FBP2: variants seen among roughly 807,000 people sequenced by gnomAD.
FBP2 encodes the protein fructose-1,6-bisphosphatase isozyme 2.
Under a neutral mutation model 31.6 loss-of-function variants are expected in FBP2, and 27 were observed. That is an observed-to-expected ratio of 0.85 (90% CI 0.63 to 1.18). The LOEUF (loss-of-function observed/expected upper bound fraction) is 1.18, where lower values mean the gene tolerates loss of function less well. Among genes scored for constraint, FBP2 ranks in the 50% most tolerant of loss-of-function variants. FBP2 has a pLI of 0.00. For synonymous variants in FBP2, 168 were observed against 179.8 expected (o/e 0.93, Z 0.53); for missense variants, 421 against 436.1 (o/e 0.97, Z 0.31).
chr9:94,591,259 T>G (rs965076767), intron 1 of FBP2, among the ~76,000 whole-genome samples: 1 of 152,164 alleles, frequency 6.6e-6, no homozygotes, highest in Admixed American at 6.5e-5. Context: ...GGCTCAGGCA[T>G]GGCGGGCTGC....
intron 3 of FBP2, among the ~76,000 whole-genome samples, chr9:94,574,756 C>T (rs1423921899): frequency 6.6e-6 from 1 of 152,114 alleles, no homozygotes; most frequent in Non-Finnish European, 1.5e-5. Flanking sequence ...TTATTCCCCA[C>T]CTCTCTACCA....
At chr9:94,593,099 G>A (rs1439985586) in intron 1 of FBP2, among the ~76,000 whole-genome samples, 1 of 152,116 alleles carries the variant, frequency 6.6e-6, no homozygotes, top group Non-Finnish European at 1.5e-5. Context: ...ATGCAGGAAG[G>A]GGCTCTACCA....
At chr9:94,586,397 A>G (rs920835693) in intron 2 of FBP2, among the ~76,000 whole-genome samples, 1 of 152,274 alleles carries the variant, frequency 6.6e-6, no homozygotes, top group African/African-American at 2.4e-5. Context: ...AAATAAATAA[A>G]TAAGTAAATA....
rs1474176874 is a variant in FBP2 at position 94,567,357 on chromosome 9, T to C, written c.618A>G (p.Lys206=). 3.8e-5 allele frequency: 61 copies of C among 1,614,046 alleles called. No individual in the cohort carries two copies. The highest frequency in any genetic ancestry group is 5.2e-5 in the Non-Finnish European group (61 of 1,180,030). ...LVEKDVKIKK[K]GKIYSLNEGY... ...CCTCATTCAGGCTGTAAATCTTTCC[T>C]TTCTTCTTAATCTTGACATCTTTTT... Residue 206 remains lysine, a synonymous_variant, in exon 5 of 7, where the codon AAA becomes AAG. Transcript: ENST00000375337.
Position 94,571,575 on chromosome 9 carries a change from C to G in FBP2, c.454G>C (p.Asp152His), listed in dbSNP as rs1189905537. 6.2e-7 allele frequency: 1 copy of G among 1,613,624 alleles called. No individual in the cohort carries two copies. Among genetic ancestry groups the G allele is most frequent in the Non-Finnish European group, 8.5e-7 (1 of 1,179,714 alleles). Residue 152 changes from aspartate (D) to histidine (H), a missense_variant, in exon 4 of 7, where the codon GAT becomes CAT. Asp to His is a moderately conservative substitution (Grantham distance 81, BLOSUM62 -1). Transcript: ENST00000375337. Reference sequence around the variant, plus strand: ...ATATTGCGGCCACACTGCAGGGCATCCTTTTCAGAAGGCTCATCCTCTGAG... The same window carrying G: ...ATATTGCGGCCACACTGCAGGGCATGCTTTTCAGAAGGCTCATCCTCTGAG... ...KTSEDEPSEK[D>H]ALQCGRNIVA...
rs1174386595 is a variant in FBP2 at position 94,561,352 on chromosome 9, A to ATTTTTTTT, written c.825+1982_825+1989dup. Among the ~76,000 whole-genome samples the ATTTTTTTT allele has an allele frequency of 2.9e-3, 157 of 54,990 alleles. 40 individuals carry two copies. The highest frequency in any genetic ancestry group is 3.5e-3 in the Admixed American group (11 of 3,178). The allele number at this position is 54,990 out of a possible 152,430, so 36.1% of individuals were successfully genotyped here. A position where few individuals can be genotyped will look rare whatever the true frequency, so the allele number is the denominator to read the frequency against. ...GCAGGCCATGTGACATGTGACCTGT[A>ATTTTTTTT]TTTTTTTTTTTTTTTTTTTTTTTTT... On this transcript the variant is annotated intron_variant, in intron 6 of 6. Transcript: ENST00000375337.
At position 94,558,959 on chromosome 9, in the gene FBP2, C is replaced by T. The variant is rs1827050728; in HGVS notation, c.999G>A (p.Gln333=). The change falls in exon 7 of 7, where the codon CAG becomes CAA. Residue 333 remains glutamine, a synonymous_variant. Coordinates refer to ENST00000375337, the MANE Select transcript of FBP2 (RefSeq NM_003837.4). Reference sequence around the variant, plus strand: ...CTCGCTAGCTGCCTGCCTGATTTTTCTGCACACAGGTGAGATATTCCTGCA... The same window carrying T: ...CTCGCTAGCTGCCTGCCTGATTTTTTTGCACACAGGTGAGATATTCCTGCA... ...EDVQEYLTCV[Q]KNQAGS 2 of 1,613,994 alleles carry T rather than the reference C, an allele frequency of 1.2e-6. No individual in the cohort carries two copies. The highest frequency in any genetic ancestry group is 1.7e-6 in the Non-Finnish European group (2 of 1,180,032).
At chr9:94,583,823 A>T (rs113311326) in intron 3 of FBP2, among the ~76,000 whole-genome samples, 8,890 of 152,066 alleles carry the variant, frequency 0.058, 378 homozygotes, top group African/African-American at 0.1. Context: ...GGTCTCGACC[A>T]CCTAGCCTCA....
At position 94,567,119 on chromosome 9, in the gene FBP2, T is replaced by C. The variant is rs142611882; in HGVS notation, c.705+151A>G. The C allele has an allele frequency of 1.6e-3, 1,151 of 697,830 alleles. 15 individuals carry two copies. In the East Asian group the frequency reaches 0.027, roughly 16 times the overall value. 43.2% of individuals were successfully genotyped at this position (697,830 alleles called of 1,614,324 possible). Reference sequence around the variant, plus strand: ...AGCTATATAAGATACTGAATGCTTATGAAGAAAGGCAGAGTCCATCATCTT... The same window carrying C: ...AGCTATATAAGATACTGAATGCTTACGAAGAAAGGCAGAGTCCATCATCTT... On this transcript the variant is annotated intron_variant, in intron 5 of 6. Transcript: ENST00000375337.
In FBP2 at chr9:94,593,700, G is replaced by A. The variant is rs761779339; in HGVS notation, c.27C>T (p.Thr9=). 97 of 1,614,034 alleles carry A rather than the reference G, an allele frequency of 6.0e-5. No homozygotes were observed. Among genetic ancestry groups the A allele is most frequent in the Non-Finnish European group, 7.1e-5 (84 of 1,180,014 alleles). The part of the protein sequence containing the change: MTDRSPFE[T]DMLTLTRYVM... ...CGTAGCGGGTCAGGGTGAGCATGTC[G>A]GTTTCGAAGGGGCTTCTGTCCGTCA... The change falls in exon 1 of 7, where the codon ACC becomes ACT. Residue 9 remains threonine (T), a synonymous_variant. Transcript: ENST00000375337.
intron 2 of FBP2, among the ~76,000 whole-genome samples, chr9:94,585,112 C>T (rs556600181): frequency 6.6e-6 from 1 of 152,312 alleles, no homozygotes; most frequent in South Asian, 2.1e-4. Context: ...TTTCTCCCTC[C>T]ACTTGATTTA....
In FBP2 at chr9:94,571,591, A is replaced by G; in HGVS notation, c.438T>C (p.Asp146=). 1 of 1,613,128 alleles carries G rather than the reference A, an allele frequency of 6.2e-7. No homozygotes were observed. Among genetic ancestry groups the G allele is most frequent in the South Asian group, 1.1e-5 (1 of 90,816 alleles). ...IFAIYRKTSE[D]EPSEKDALQC... ...GCAGGGCATCCTTTTCAGAAGGCTC[A>G]TCCTCTGAGGTCTGTGGAAGAGAGG... The change falls in exon 4 of 7, where the codon GAT becomes GAC. Residue 146 remains aspartate (D), a synonymous_variant. Transcript: ENST00000375337.
At chr9:94,583,856 C>T (rs1042221150) in intron 3 of FBP2, among the ~76,000 whole-genome samples, 3 of 152,232 alleles carry the variant, frequency 2.0e-5, no homozygotes, top group African/African-American at 7.2e-5. Context: ...ATCCGCCCGC[C>T]TCAGCCTCCC....
At chr9:94,568,444 A>T (rs1827225457) in intron 4 of FBP2, 1 of 152,216 alleles carries the variant, frequency 6.6e-6, no homozygotes, top group Non-Finnish European at 1.5e-5. Flanking sequence ...CTTGTGGCAG[A>T]TACCACCTTA....
At chr9:94,567,154 C>G (rs1202232598) in intron 5 of FBP2, 116 bp downstream of exon 5, 1 of 1,007,384 alleles carries the variant, frequency 9.9e-7, no homozygotes, top group Non-Finnish European at 1.5e-6. Flanking sequence ...TCATACTGAC[C>G]ACAGCCATAA....
At position 94,587,371 on chromosome 9, in the gene FBP2, TAGG is replaced by T. The variant is rs1827439839; in HGVS notation, c.266_268del (p.Ser89del). Reference sequence around the variant, plus strand: ...TTCTGAGACCAGGACGCAGGTACTATAGGAGGATTGGACCATGTTGATCACCAG... The same window carrying T: ...TTCTGAGACCAGGACGCAGGTACTATAGGATTGGACCATGTTGATCACCAG... On this transcript the variant is annotated inframe_deletion, in exon 2 of 7. Coordinates refer to ENST00000375337, the MANE Select transcript of FBP2 (RefSeq NM_003837.4). 1 of 1,613,972 alleles carries T rather than the reference TAGG, an allele frequency of 6.2e-7. No individual in the cohort carries two copies. The highest frequency in any genetic ancestry group is 8.5e-7 in the Non-Finnish European group (1 of 1,179,994).
Position 94,593,446 on chromosome 9 carries a change from C to A in FBP2, c.170+111G>T, listed in dbSNP as rs555165704. ...TGAAATGCAGCTTCCATCTAGGGCA[C>A]ACAGGGCCAATAAGCTTTGGACCCA... On this transcript the variant is annotated intron_variant, in intron 1 of 6. Transcript: ENST00000375337. The A allele has an allele frequency of 6.0e-6, 6 of 998,360 alleles. No individual in the cohort carries two copies. The South Asian group carries it at 8.1e-5, about 13-fold the overall frequency. 61.8% of individuals were successfully genotyped at this position (998,360 alleles called of 1,614,324 possible). A position where few individuals can be genotyped will look rare whatever the true frequency, so the allele number is the denominator to read the frequency against.
At chr9:94,589,412 A>G (rs1234197559) in intron 1 of FBP2, among the ~76,000 whole-genome samples, 2 of 151,876 alleles carry the variant, frequency 1.3e-5, no homozygotes, top group East Asian at 1.9e-4. Flanking sequence ...GAAACACCCC[A>G]TCATCCCTCC....
Position 94,584,683 on chromosome 9 carries a change from G to T in FBP2, c.334-14C>A. 6.5e-7 allele frequency: 1 copy of T among 1,549,228 alleles called. No homozygotes were observed. ...CACGTATTTCCCCTAAATCAGAGAG[G>T]AAAGCACCAACTGATCAGCACATCT... is the stretch of plus-strand genomic sequence containing the variant. On this transcript the variant is annotated splice_polypyrimidine_tract_variant and intron_variant, in intron 2 of 6. Coordinates refer to ENST00000375337, the MANE Select transcript of FBP2 (RefSeq NM_003837.4).
Sources: gnomAD v4.1 joint callset for allele counts (sites outside exome capture counted in the v4.1 genomes callset) on GRCh38, gnomAD v4.1.1 for gene constraint, MANE v1.5 for transcripts, NCBI Gene and HGNC (gene_info 2026-07-23, HGNC 2026-07-21) for gene names.